TCP11: variants seen among roughly 807,000 people sequenced by gnomAD.
The protein encoded by TCP11 is t-complex 11.
In TCP11, 34 loss-of-function variants were observed where a neutral mutation model predicts 45.0. The ratio of observed to expected loss-of-function variants is 0.76; its 90% CI spans 0.57 to 1.01. The LOEUF is 1.01. Ranked by LOEUF, TCP11 falls within the 50% of genes least tolerant of loss-of-function variation. The pLI is 0.00. For missense variants in TCP11, 523 were observed against 598.1 expected (o/e 0.87, Z 1.31); for synonymous variants, 227 against 227.0 (o/e 1.00, Z 0.00).
intron 1 of TCP11, 73 bp downstream of exon 1, chr6:35,141,132 C>G (rs1781726089): frequency 7.6e-7 from 1 of 1,317,382 alleles, no homozygotes; most frequent in Non-Finnish European, 9.7e-7. Flanking sequence ...GGGAAGGCCC[C>G]TTCCTTCGCG....
intron 8 of TCP11, among the ~76,000 whole-genome samples, chr6:35,119,701 T>C (rs1779017482): frequency 6.6e-6 from 1 of 152,280 alleles, no homozygotes; most frequent in Non-Finnish European, 1.5e-5. Flanking sequence ...TCAGCATTCT[T>C]TAGTCCCATG....
In TCP11 at chr6:35,141,279, C is replaced by G; in HGVS notation, c.-89G>C. Reference sequence around the variant, plus strand: ...TCGCGGCCTGGCGGCCTGGAGCGTACCACCGCGGCGGAGCGGCGGGTTGGG... The same window carrying G: ...TCGCGGCCTGGCGGCCTGGAGCGTAGCACCGCGGCGGAGCGGCGGGTTGGG... On this transcript the variant is annotated 5_prime_UTR_variant, in exon 1 of 10. Coordinates refer to ENST00000311875, the MANE Select transcript of TCP11 (RefSeq NM_001370687.1). The G allele has an allele frequency of 7.7e-7, 1 of 1,298,068 alleles. No homozygotes were observed. Among genetic ancestry groups the G allele is most frequent in the Non-Finnish European group, 9.8e-7 (1 of 1,024,258 alleles). 80.4% of individuals were successfully genotyped at this position (1,298,068 alleles called of 1,614,324 possible).
chr6:35,123,240 G>A (rs1779477300), intron 4 of TCP11, among the ~76,000 whole-genome samples: 1 of 152,112 alleles, frequency 6.6e-6, no homozygotes, highest in South Asian at 2.1e-4. Flanking sequence ...GGCTCTGACT[G>A]GTAAAAAGTT....
intron 4 of TCP11, 133 bp from the exon 5 acceptor site, chr6:35,122,470 C>T (rs1779388456): frequency 1.3e-6 from 1 of 740,894 alleles, no homozygotes; most frequent in African/African-American, 1.8e-5. Context: ...CTAAATTTCC[C>T]ATGGAATATT....
Position 35,119,212 on chromosome 6 carries a change from C to T in TCP11, c.1279+16G>A, listed in dbSNP as rs2127635673. The T allele has an allele frequency of 6.2e-7, 1 of 1,613,360 alleles. No homozygotes were observed. The highest frequency in any genetic ancestry group is 2.2e-5 in the East Asian group (1 of 44,890). On this transcript the variant is annotated intron_variant, in intron 9 of 9. Coordinates refer to ENST00000311875, the MANE Select transcript of TCP11 (RefSeq NM_001370687.1). ...CTCTTCCCTCACCATTCTTACTACCCCACAAGCATACTCACCAATAACACT... is the reference window on the plus strand; with the variant it reads ...CTCTTCCCTCACCATTCTTACTACCTCACAAGCATACTCACCAATAACACT...
At chr6:35,140,221 G>A (rs1240469726) in intron 2 of TCP11, 1 of 1,515,650 alleles carries the variant, frequency 6.6e-7, no homozygotes, top group Non-Finnish European at 8.9e-7. Context: ...GACTAGTTAC[G>A]TTCTCTGGAG....
At chr6:35,119,417 GCAC>G (rs1446162676) in intron 8 of TCP11, 26 bp from the exon 9 acceptor site, 2 of 1,610,364 alleles carry the variant, frequency 1.2e-6, no homozygotes, top group South Asian at 2.2e-5. Context: ...AAGTAAGCTG[GCAC>G]CCACCAGGTA....
rs1298018771 is a variant in TCP11, at chr6:35,120,824, A to T, written c.715+85T>A. ...CTAATAAGCAACTTTCTATTCCTAA[A>T]AAGAGATAGAGTACTCTCTAACATT... On this transcript the variant is annotated intron_variant, in intron 6 of 9. Coordinates refer to ENST00000311875, the MANE Select transcript of TCP11 (RefSeq NM_001370687.1). The surrounding 1 kb of genome is among the most constrained non-coding windows in gnomAD (Gnocchi z 4.9). The T allele has an allele frequency of 6.7e-7, 1 of 1,498,130 alleles. No homozygotes were observed. Among genetic ancestry groups the T allele is most frequent in the East Asian group, 2.3e-5 (1 of 43,928 alleles). 92.8% of individuals were successfully genotyped at this position (1,498,130 alleles called of 1,614,324 possible). A position where few individuals can be genotyped will look rare whatever the true frequency, so the allele number is the denominator to read the frequency against.
At chr6:35,125,670 C>G (rs2127655890) in intron 4 of TCP11, among the ~76,000 whole-genome samples, 3 of 152,126 alleles carry the variant, frequency 2.0e-5, no homozygotes, top group Middle Eastern at 6.8e-3. Context: ...GGTATATACC[C>G]AGAAAAATTA....
Position 35,129,170 on chromosome 6 carries a change from C to T in TCP11, c.249G>A (p.Lys83=), listed in dbSNP as rs763394401. The change falls in exon 4 of 10, where the codon AAG becomes AAA. Residue 83 remains lysine, a synonymous_variant. Transcript: ENST00000311875. The part of the protein sequence containing the change: ...KVLPPSSLEG[K]VKETVHNAFW... ...AGGCATTGTGCACTGTCTCCTTGAC[C>T]TTGCCTTCCAGACTATAAGAGGGTT... 1.9e-6 allele frequency: 3 copies of T among 1,613,438 alleles called. No homozygotes were observed. In the East Asian group the frequency reaches 6.7e-5, roughly 36 times the overall value.
intron 2 of TCP11, chr6:35,140,156 A>G (rs760270531): frequency 6.2e-7 from 1 of 1,603,312 alleles, no homozygotes; most frequent in Non-Finnish European, 8.5e-7. Context: ...TTCGCATTTC[A>G]ATAGTCAAGA....
At position 35,120,540 on chromosome 6, in the gene TCP11, G is replaced by A; in HGVS notation, c.822C>T (p.Pro274=). Reference sequence around the variant, plus strand: ...GGTTGTTGGCTGCCTCATTGGGAGAGGGGCCAGCCACACTGGAGGAGTCAG... The same window carrying A: ...GGTTGTTGGCTGCCTCATTGGGAGAAGGGCCAGCCACACTGGAGGAGTCAG... ...DTSDSSSVAG[P]SPNEAANNPE... is the part of the protein sequence containing the mutation. Residue 274 remains proline (P), a synonymous_variant, in exon 7 of 10, where the codon CCC becomes CCT. Transcript: ENST00000311875. This position sits in a 1 kb window ranked among gnomAD's most constrained non-coding sequence, Gnocchi z 4.9. 1 of 1,614,054 alleles carries A rather than the reference G, an allele frequency of 6.2e-7. No homozygotes were observed. The highest frequency in any genetic ancestry group is 8.5e-7 in the Non-Finnish European group (1 of 1,180,034).
At chr6:35,134,385 A>C (rs909105135) in intron 3 of TCP11, among the ~76,000 whole-genome samples, 1 of 149,470 alleles carries the variant, frequency 6.7e-6, no homozygotes, top group African/African-American at 2.5e-5. Flanking sequence ...GGTTCAAGCA[A>C]TTCTCCTGCC....
In TCP11 at chr6:35,130,671, T is replaced by C. The variant is rs139820781; in HGVS notation, c.237-1489A>G. Among the ~76,000 whole-genome samples the C allele has an allele frequency of 7.1e-4, 108 of 152,164 alleles. 1 individual carries two copies. The highest frequency in any genetic ancestry group is 1.9e-3 in the South Asian group (9 of 4,820). ...AAAAGAAAAAAAAAAGACACCGCTA[T>C]ATGACACCTATTAGAATGGCCAAAA... On this transcript the variant is annotated intron_variant, in intron 3 of 9. Transcript: ENST00000311875.
rs367945210 is a variant in TCP11, at chr6:35,141,326, C to G, written c.-136G>C. 3.3e-6 allele frequency: 4 copies of G among 1,228,590 alleles called. No homozygotes were observed. In the South Asian group the frequency reaches 1.1e-4, roughly 34 times the overall value. 76.1% of individuals were successfully genotyped at this position (1,228,590 alleles called of 1,614,324 possible). On this transcript the variant is annotated 5_prime_UTR_variant, in exon 1 of 10. Transcript: ENST00000311875. ...TGGGGCGTCGCACGGTGAGAAAGGC[C>G]GGGGCCTGAGAACAAACCGCCGCGG... is the stretch of plus-strand genomic sequence containing the variant.
rs543124451 is a variant in TCP11 at position 35,140,818 on chromosome 6, C to T, written c.53G>A (p.Gly18Asp). 14 of 1,550,122 alleles carry T rather than the reference C, an allele frequency of 9.0e-6. 2 individuals carry two copies. The South Asian group carries it at 1.7e-4, about 18-fold the overall frequency. The change falls in exon 2 of 10, where the codon GGC becomes GAC. Residue 18 changes from glycine to aspartate, a missense_variant. Coordinates refer to ENST00000311875, the MANE Select transcript of TCP11 (RefSeq NM_001370687.1). ...TGAGGTTTCGGGCTTACAGGACCTG[C>T]CCTCTGAGTCGCCAGGATATTTCGG... ...VPPKYPGDSE[G>D]RSCKPETSGP...
intron 2 of TCP11, 49 bp from the exon 3 acceptor site, chr6:35,136,267 T>TTCAGAGTGG (rs2127685702): frequency 6.9e-7 from 1 of 1,452,314 alleles, no homozygotes; most frequent in African/African-American, 1.4e-5. Context: ...TTCTATTTTA[T>TTCAGAGTGG]TCAGAGATTC....
At position 35,120,582 on chromosome 6, in the gene TCP11, C is replaced by T. The variant is rs751407814; in HGVS notation, c.780G>A (p.Pro260=). Residue 260 remains proline, a synonymous_variant, in exon 7 of 10, where the codon CCG becomes CCA. Transcript: ENST00000311875. The surrounding 1 kb of genome is among the most constrained non-coding windows in gnomAD (Gnocchi z 4.9). ...AGGAGTCAGAAGTGTCTGGGCAAGT[C>T]GGAGGTGACATGGTGAGGTCTCCTG... The part of the protein sequence containing the change: ...QAAGDLTMSP[P]TCPDTSDSSS... 8 of 1,613,800 alleles carry T rather than the reference C, an allele frequency of 5.0e-6. No homozygotes were observed. The highest frequency in any genetic ancestry group is 3.3e-4 in the Middle Eastern group (2 of 6,062).
At chr6:35,124,385 C>G (rs578226751) in intron 4 of TCP11, among the ~76,000 whole-genome samples, 12 of 152,294 alleles carry the variant, frequency 7.9e-5, no homozygotes, top group African/African-American at 2.9e-4. Flanking sequence ...GGGAACCACA[C>G]ATGGACCTTT....
Sources: gnomAD v4.1 joint callset for allele counts (sites outside exome capture counted in the v4.1 genomes callset) on GRCh38, gnomAD v4.1.1 for gene constraint, Gnocchi (gnomAD v3.1) non-coding constraint, MANE v1.5 for transcripts, NCBI Gene and HGNC (gene_info 2026-07-23, HGNC 2026-07-21) for gene names.